ADAMTSL1: variants seen among roughly 807,000 people sequenced by gnomAD.
ADAMTSL1 encodes ADAMTS-like protein 1.
In ADAMTSL1, 126 loss-of-function variants were observed where a neutral mutation model predicts 201.8. The observed-to-expected ratio is 0.62, with a 90% CI of 0.54 to 0.72. The LOEUF is 0.72. Ranked by LOEUF, ADAMTSL1 falls within the 30% of genes least tolerant of loss-of-function variation. The pLI is 0.00. For missense variants in ADAMTSL1, 2,679 were observed against 2,277.8 expected (o/e 1.18, Z -3.59); for synonymous variants, 1,121 against 903.4 (o/e 1.24, Z -4.32).
intron 1 of ADAMTSL1, among the ~76,000 whole-genome samples, chr9:18,135,955 T>C (rs1826141091): frequency 2.0e-5 from 3 of 152,182 alleles, no homozygotes; most frequent in African/African-American, 7.2e-5. Context: ...AGACTTTCTC[T>C]CATTTAAGAT....
chr9:18,322,966 G>A (rs1834686859), intron 2 of ADAMTSL1, among the ~76,000 whole-genome samples: 1 of 152,152 alleles, frequency 6.6e-6, no homozygotes. Context: ...AAGCATTTAA[G>A]GAAGAGCTAA....
intron 2 of ADAMTSL1, among the ~76,000 whole-genome samples, chr9:18,388,187 AT>A (rs558562708): frequency 5.0e-4 from 76 of 151,136 alleles, no homozygotes; most frequent in Middle Eastern, 6.8e-3. Context: ...GGATTTTGTT[AT>A]TTTTTTTCTA....
intron 15 of ADAMTSL1, among the ~76,000 whole-genome samples, chr9:18,735,555 T>C (rs1477302425): frequency 1.3e-5 from 2 of 152,144 alleles, no homozygotes; most frequent in East Asian, 3.8e-4. Context: ...AGATGTGGAA[T>C]GGACATTCAA....
chr9:18,736,915 A>G (rs1818528633), intron 15 of ADAMTSL1, among the ~76,000 whole-genome samples: 1 of 152,164 alleles, frequency 6.6e-6, no homozygotes, highest in African/African-American at 2.4e-5. Flanking sequence ...TGGGAGCCCC[A>G]AAACCCTCCT....
At chr9:18,017,194 T>C (rs1329930) in intron 1 of ADAMTSL1, among the ~76,000 whole-genome samples, 50,224 of 151,870 alleles carry the variant, frequency 0.33, 8,509 homozygotes, top group South Asian at 0.45. Context: ...ATCTTGTTCA[T>C]GTTGTTCTTT....
intron 3 of ADAMTSL1, among the ~76,000 whole-genome samples, chr9:18,573,100 T>C (rs754167649): frequency 6.6e-6 from 1 of 152,194 alleles, no homozygotes; most frequent in African/African-American, 2.4e-5. Context: ...TTATGAAACT[T>C]ACATCAAAAA....
At chr9:18,255,561 A>G (rs548718180) in intron 2 of ADAMTSL1, among the ~76,000 whole-genome samples, 1 of 152,352 alleles carries the variant, frequency 6.6e-6, no homozygotes, top group Admixed American at 6.5e-5. Flanking sequence ...CTATGTAATA[A>G]GAAATAGGCC....
At position 18,446,971 on chromosome 9, in the gene ADAMTSL1, AT is replaced by A. The variant is rs375285785; in HGVS notation, c.208-57847del. Among the ~76,000 whole-genome samples, 592 of 148,430 alleles carry A rather than the reference AT, an allele frequency of 4.0e-3. 6 individuals are homozygous for A. The highest frequency in any genetic ancestry group is 8.6e-3 in the African/African-American group (348 of 40,624). ...TTTAAAATTTCAAATTAACATGAAC[AT>A]TTTTTTTTTTAAACAAAACTTTCCT... On this transcript the variant is annotated intron_variant, in intron 2 of 29. Coordinates refer to the ADAMTSL1 transcript ENST00000680146.
chr9:18,251,370 C>A (rs2132491609), intron 2 of ADAMTSL1, among the ~76,000 whole-genome samples: 1 of 151,994 alleles, frequency 6.6e-6, no homozygotes, highest in Admixed American at 6.6e-5. Context: ...TTATCGAGTC[C>A]TGAAAGAAGC....
chr9:18,563,487 G>C (rs1432310866), intron 3 of ADAMTSL1, among the ~76,000 whole-genome samples: 2 of 152,218 alleles, frequency 1.3e-5, no homozygotes, highest in African/African-American at 2.4e-5. Context: ...GAGGCACAGG[G>C]GTTAGGGACC....
chr9:18,230,916 T>G (rs1830624098), intron 2 of ADAMTSL1, among the ~76,000 whole-genome samples: 1 of 152,174 alleles, frequency 6.6e-6, no homozygotes, highest in East Asian at 1.9e-4. Flanking sequence ...GAGTACATAT[T>G]TGTGCCTAGG....
rs145086744 is a variant in ADAMTSL1 at position 18,416,334 on chromosome 9, AC to A, written c.208-88492del. Among the ~76,000 whole-genome samples, 1,377 of 152,034 alleles carry A rather than the reference AC, an allele frequency of 9.1e-3. 36 individuals are homozygous for A. The East Asian group carries it at 0.11, about 12-fold the overall frequency. On this transcript the variant is annotated intron_variant, in intron 2 of 29. Transcript: ENST00000680146. ...AAACCCTAAAGCAACCACTAAACTA[AC>A]CCAAAAATTTTAGCTGATAGACCTA...
intron 1 of ADAMTSL1, among the ~76,000 whole-genome samples, chr9:17,974,056 T>C (rs1008445933): frequency 6.6e-6 from 1 of 152,056 alleles, no homozygotes; most frequent in African/African-American, 2.4e-5. Flanking sequence ...CCCTTCATGC[T>C]AAAAACTCTC....
At chr9:18,396,119 C>G (rs1817742195) in intron 2 of ADAMTSL1, among the ~76,000 whole-genome samples, 1 of 152,214 alleles carries the variant, frequency 6.6e-6, no homozygotes, top group South Asian at 2.1e-4. Flanking sequence ...TGACCCCATA[C>G]TTTATCCAAC....
chr9:18,507,733 G>A (rs183874115), intron 2 of ADAMTSL1, among the ~76,000 whole-genome samples: 22 of 152,290 alleles, frequency 1.4e-4, no homozygotes, highest in African/African-American at 4.8e-4. Flanking sequence ...GCATGTATTT[G>A]TGTGTGTGCT....
intron 1 of ADAMTSL1, among the ~76,000 whole-genome samples, chr9:18,157,967 G>C (rs1827228008): frequency 6.6e-6 from 1 of 151,984 alleles, no homozygotes; most frequent in South Asian, 2.1e-4. Context: ...TCACTACAGA[G>C]TGTCTGTCTA....
chr9:18,043,867 A>G (rs574624399), intron 1 of ADAMTSL1, among the ~76,000 whole-genome samples: 40 of 151,582 alleles, frequency 2.6e-4, no homozygotes, highest in African/African-American at 9.7e-4. Flanking sequence ...TATTGGCACT[A>G]CTTTATTTAG....
intron 2 of ADAMTSL1, among the ~76,000 whole-genome samples, chr9:18,393,598 A>C (rs193167667): frequency 6.6e-6 from 1 of 152,224 alleles, no homozygotes; most frequent in East Asian, 1.9e-4. Context: ...CCCAACATCC[A>C]TTTCACCCTA....
intron 2 of ADAMTSL1, among the ~76,000 whole-genome samples, chr9:18,229,717 T>C (rs1830573517): frequency 6.6e-6 from 1 of 151,894 alleles, no homozygotes; most frequent in South Asian, 2.1e-4. Context: ...TTTTTTGATA[T>C]GGAATTTCAC....
Sources: allele counts gnomAD v4.1 joint callset (sites outside exome capture counted in the v4.1 genomes callset), GRCh38; gene constraint gnomAD v4.1.1; transcripts MANE v1.5; gene names NCBI Gene and HGNC (gene_info 2026-07-23, HGNC 2026-07-21).